The following SLC39A14 variants were observed in gnomAD, a reference collection of about 807,000 sequenced individuals.
SLC39A14 encodes metal cation symporter ZIP14.
A neutral mutation model predicts 45.5 loss-of-function variants in SLC39A14; 19 were observed. That is an observed-to-expected ratio of 0.42 (90% CI 0.29 to 0.61). The LOEUF (loss-of-function observed/expected upper bound fraction) is 0.61, where lower values mean the gene tolerates loss of function less well. Among genes scored for constraint, SLC39A14 ranks in the 20% least tolerant of loss-of-function variants. SLC39A14 has a pLI of 0.22. For missense variants in SLC39A14, 447 were observed against 616.5 expected, an observed-to-expected ratio of 0.73 and a Z score of 2.91; for synonymous variants, 264 against 251.3, an observed-to-expected ratio of 1.05 and a Z score of -0.48.
Position 22,432,733 on chromosome 8 carries a change from C to T in SLC39A14, c.1333-1158C>T, listed in dbSNP as rs566481287. On this transcript the variant is annotated intron_variant, in intron 8 of 8. Transcript: ENST00000240095. ...CATGATCTCAGCTCACTGCAACCTC[C>T]GGCTCCCAGGTTCAAGCGATTCTCC... Among the ~76,000 whole-genome samples, 18 of 150,114 alleles carry T rather than the reference C, an allele frequency of 1.2e-4. No individual in the cohort carries two copies. The South Asian group carries it at 3.4e-3, about 28-fold the overall frequency.
chr8:22,378,984 T>C (rs1218780813), intron 1 of SLC39A14, among the ~76,000 whole-genome samples: 1 of 152,176 alleles, frequency 6.6e-6, no homozygotes, highest in Non-Finnish European at 1.5e-5. Flanking sequence ...AGGCCAGCAG[T>C]GTGAAATGCA....
At chr8:22,431,332 T>C (rs1176431941) in intron 8 of SLC39A14, among the ~76,000 whole-genome samples, 2 of 152,220 alleles carry the variant, frequency 1.3e-5, no homozygotes, top group African/African-American at 4.8e-5. Flanking sequence ...CATTATAATA[T>C]ACCTTTTGTT....
At chr8:22,381,300 AGTCTCGCTCC>A (rs961768189) in intron 1 of SLC39A14, among the ~76,000 whole-genome samples, 3 of 137,168 alleles carry the variant, frequency 2.2e-5, no homozygotes, top group African/African-American at 8.4e-5. Flanking sequence ...CCCGAGACAG[AGTCTCGCTCC>A]GTCACCCAGA....
chr8:22,417,983 A>G (rs1028114928), intron 8 of SLC39A14, 148 bp downstream of exon 8: 3 of 617,426 alleles, frequency 4.9e-6, no homozygotes, highest in African/African-American at 1.9e-5. Context: ...GCTCACTGCA[A>G]CCTCCGCGTC....
At chr8:22,432,645 ATT>A (rs35981745) in intron 8 of SLC39A14, among the ~76,000 whole-genome samples, 1,640 of 114,040 alleles carry the variant, frequency 0.014, 30 homozygotes, top group African/African-American at 0.047. Flanking sequence ...TGCCCGGCTA[ATT>A]TTTTTTTTTT....
chr8:22,412,267 G>A lies in SLC39A14; in HGVS notation c.627+61G>A, dbSNP rs956875524. On this transcript the variant is annotated intron_variant, in intron 4 of 8. Coordinates refer to ENST00000381237, the MANE Select transcript of SLC39A14 (RefSeq NM_001128431.4). ...CGGCGGGCACAGTGGGAGGACCTCCGTTTGGATAGAAGGCATAGAGAGGGC... is the reference window on the plus strand; with the variant it reads ...CGGCGGGCACAGTGGGAGGACCTCCATTTGGATAGAAGGCATAGAGAGGGC... 2.0e-5 allele frequency: 31 copies of A among 1,517,780 alleles called. No homozygotes were observed. In the South Asian group the frequency reaches 3.0e-4, roughly 14 times the overall value. 94.0% of individuals were successfully genotyped at this position (1,517,780 alleles called of 1,614,324 possible). A position where few individuals can be genotyped will look rare whatever the true frequency, so the allele number is the denominator to read the frequency against.
chr8:22,409,238 G>A (rs1835418444), intron 3 of SLC39A14, among the ~76,000 whole-genome samples: 1 of 152,202 alleles, frequency 6.6e-6, no homozygotes, highest in African/African-American at 2.4e-5. Flanking sequence ...CTTGCCACGA[G>A]CTGTGAGTGT....
rs551658917 is a variant in SLC39A14 at position 22,421,065 on chromosome 8, G to A, written c.*1367G>A. ...GGGAGCTCTTCTCCAGGTTCACTAGGTGAATTGATTTATTATTATCATATT... is the reference window on the plus strand; with the variant it reads ...GGGAGCTCTTCTCCAGGTTCACTAGATGAATTGATTTATTATTATCATATT... On this transcript the variant is annotated 3_prime_UTR_variant, in exon 9 of 9. Transcript: ENST00000381237. 6.3e-5 allele frequency: 62 copies of A among 985,800 alleles called. No homozygotes were observed. Among genetic ancestry groups the A allele is most frequent in the Admixed American group, 1.2e-4 (2 of 16,276 alleles). The allele number at this position is 985,800 out of a possible 1,614,324, so 61.1% of individuals were successfully genotyped here. A position where few individuals can be genotyped will look rare whatever the true frequency, so the allele number is the denominator to read the frequency against.
chr8:22,422,002 A>G lies in SLC39A14; in HGVS notation c.*2304A>G, dbSNP rs1836256137. 3 of 985,338 alleles carry G rather than the reference A, an allele frequency of 3.0e-6. No individual in the cohort carries two copies. Among genetic ancestry groups the G allele is most frequent in the Non-Finnish European group, 3.6e-6 (3 of 829,932 alleles). 61.0% of individuals were successfully genotyped at this position (985,338 alleles called of 1,614,324 possible). On this transcript the variant is annotated 3_prime_UTR_variant, in exon 9 of 9. Transcript: ENST00000381237. ...GCTTAGGAGGGGCGGAGACGCTCAC[A>G]TCGTCTGACTTGAGTCGCCACTGAT...
chr8:22,411,666 A>C (rs949627903), intron 3 of SLC39A14, among the ~76,000 whole-genome samples: 3 of 152,076 alleles, frequency 2.0e-5, no homozygotes, highest in Admixed American at 1.3e-4. Flanking sequence ...GTCTGGGCAG[A>C]CCTTGGGTGT....
chr8:22,394,371 C>T (rs1361707544), intron 1 of SLC39A14, among the ~76,000 whole-genome samples: 1 of 146,640 alleles, frequency 6.8e-6, no homozygotes, highest in Non-Finnish European at 1.5e-5. Flanking sequence ...GTCACCCAGG[C>T]TGGAGTGCAG....
intron 1 of SLC39A14, among the ~76,000 whole-genome samples, chr8:22,385,636 A>G (rs1444017879): frequency 6.6e-6 from 1 of 152,184 alleles, no homozygotes; most frequent in Non-Finnish European, 1.5e-5. Context: ...AGCCAGTTAT[A>G]TGGTCAGCAG....
At chr8:22,372,216 A>G (rs1383415759) in intron 1 of SLC39A14, among the ~76,000 whole-genome samples, 1 of 152,002 alleles carries the variant, frequency 6.6e-6, no homozygotes, top group African/African-American at 2.4e-5. Flanking sequence ...CTTTCATTTT[A>G]TTAAATTTTT....
intron 1 of SLC39A14, among the ~76,000 whole-genome samples, chr8:22,397,773 T>C (rs1834590806): frequency 6.6e-6 from 1 of 152,176 alleles, no homozygotes; most frequent in African/African-American, 2.4e-5. Flanking sequence ...TAGCTGGAGA[T>C]ACATTTCTAT....
chr8:22,376,271 A>T (rs1833209733), intron 1 of SLC39A14, among the ~76,000 whole-genome samples: 1 of 151,530 alleles, frequency 6.6e-6, no homozygotes, highest in Non-Finnish European at 1.5e-5. Flanking sequence ...TCCCAGTTTC[A>T]AGCAATTCTC....
chr8:22,375,702 C>G (rs1189847768), intron 1 of SLC39A14, among the ~76,000 whole-genome samples: 3 of 152,106 alleles, frequency 2.0e-5, no homozygotes, highest in Non-Finnish European at 4.4e-5. Flanking sequence ...GTTGGCCAGA[C>G]TGATCTCAAA....
Position 22,419,977 on chromosome 8 carries a change from G to T in SLC39A14, c.*279G>T. On this transcript the variant is annotated 3_prime_UTR_variant, in exon 9 of 9. Coordinates refer to ENST00000381237, the MANE Select transcript of SLC39A14 (RefSeq NM_001128431.4). The stretch of plus-strand genomic sequence containing the variant: ...TGAATGCAGCTTACAAGACAAGCCT[G>T]ACTTTTTTCTCTGATTACCTTGGCC... 1 of 1,135,610 alleles carries T rather than the reference G, an allele frequency of 8.8e-7. No homozygotes were observed. The highest frequency in any genetic ancestry group is 1.1e-6 in the Non-Finnish European group (1 of 925,402). 70.3% of individuals were successfully genotyped at this position (1,135,610 alleles called of 1,614,324 possible).
chr8:22,380,034 T>C (rs887794275), intron 1 of SLC39A14, among the ~76,000 whole-genome samples: 9 of 152,200 alleles, frequency 5.9e-5, no homozygotes, highest in South Asian at 2.1e-4. Context: ...ACATACCATT[T>C]ACATTGTATT....
At chr8:22,383,000 G>C (rs1465220764) in intron 1 of SLC39A14, among the ~76,000 whole-genome samples, 1 of 151,994 alleles carries the variant, frequency 6.6e-6, no homozygotes, top group Non-Finnish European at 1.5e-5. Context: ...TTACAGGCGT[G>C]AGTCACCGCG....
Sources: allele counts gnomAD v4.1 joint callset (sites outside exome capture counted in the v4.1 genomes callset), GRCh38; gene constraint gnomAD v4.1.1; transcripts MANE v1.5; gene names NCBI Gene and HGNC (gene_info 2026-07-23, HGNC 2026-07-21).